The following TLE1 variants were observed in gnomAD, a reference collection of about 807,000 sequenced individuals.
TLE1 encodes TLE family member 1, transcriptional corepressor, also known as transducin-like enhancer protein 1.
In TLE1, 21 loss-of-function variants were observed where a neutral mutation model predicts 89.8. That is an observed-to-expected ratio of 0.23 (90% CI 0.17 to 0.34). The LOEUF (loss-of-function observed/expected upper bound fraction) is 0.34. Ranked by LOEUF, TLE1 falls within the 10% of genes least tolerant of loss-of-function variation. The pLI, the probability that TLE1 is intolerant of heterozygous loss-of-function variation, is 1.00. For missense variants in TLE1, 795 were observed against 1,031.2 expected (o/e 0.77, Z 3.14); for synonymous variants, 447 against 407.6 (o/e 1.10, Z -1.16).
intron 8 of TLE1, among the ~76,000 whole-genome samples, chr9:81,625,684 T>C (rs1825807911): frequency 1.3e-5 from 2 of 152,082 alleles, no homozygotes; most frequent in African/African-American, 2.4e-5. Context: ...AATGTTAAGA[T>C]TGGGACTCTG....
intron 14 of TLE1, among the ~76,000 whole-genome samples, chr9:81,595,739 A>C (rs955220639): frequency 6.6e-6 from 1 of 151,534 alleles, no homozygotes; most frequent in Admixed American, 6.6e-5. Context: ...GAATGGCGTG[A>C]ACCTGGGAGG....
chr9:81,599,146 T>C (rs1232383567), intron 14 of TLE1, among the ~76,000 whole-genome samples: 2 of 152,126 alleles, frequency 1.3e-5, no homozygotes, highest in African/African-American at 2.4e-5. Context: ...TGAAGCGCAA[T>C]ATAGTCAACC....
At chr9:81,687,756 CT>C (rs1404256162) in intron 1 of TLE1, among the ~76,000 whole-genome samples, 1 of 152,000 alleles carries the variant, frequency 6.6e-6, no homozygotes, top group African/African-American at 2.4e-5. Context: ...GTCGCCGCCC[CT>C]TCCCCCACGG....
At chr9:81,668,825 G>T (rs1831838140) in intron 4 of TLE1, among the ~76,000 whole-genome samples, 3 of 152,182 alleles carry the variant, frequency 2.0e-5, no homozygotes, top group Non-Finnish European at 4.4e-5. Flanking sequence ...GAGAGGAACT[G>T]AAGATAATGG....
intron 4 of TLE1, among the ~76,000 whole-genome samples, chr9:81,667,563 T>A: frequency 6.6e-6 from 1 of 151,980 alleles, no homozygotes; most frequent in East Asian, 1.9e-4. Flanking sequence ...CTGAGCAACT[T>A]CTTAGGGAAA....
chr9:81,687,203 AG>A, intron 2 of TLE1, 130 bp downstream of exon 2: 1 of 654,084 alleles, frequency 1.5e-6, no homozygotes, highest in Non-Finnish European at 2.6e-6. Flanking sequence ...CTTGAATGAC[AG>A]GTCTTAACTG....
At chr9:81,644,086 G>A (rs912228487) in intron 6 of TLE1, among the ~76,000 whole-genome samples, 5 of 152,186 alleles carry the variant, frequency 3.3e-5, no homozygotes, top group African/African-American at 1.2e-4. Context: ...TAAAAAAGAT[G>A]GACAGGAAAT....
chr9:81,653,404 T>C (rs754008588), intron 5 of TLE1, among the ~76,000 whole-genome samples: 1 of 152,254 alleles, frequency 6.6e-6, no homozygotes, highest in Non-Finnish European at 1.5e-5. Flanking sequence ...TTTCATAGAT[T>C]ACTCATATAA....
At chr9:81,669,281 A>AG (rs1323330500) in intron 4 of TLE1, among the ~76,000 whole-genome samples, 1 of 152,226 alleles carries the variant, frequency 6.6e-6, no homozygotes, top group Non-Finnish European at 1.5e-5. Context: ...GCTTGACCTC[A>AG]GACCAATTTT....
At chr9:81,597,273 C>G (rs1346796923) in intron 14 of TLE1, among the ~76,000 whole-genome samples, 1 of 150,574 alleles carries the variant, frequency 6.6e-6, no homozygotes, top group Admixed American at 6.6e-5. Flanking sequence ...ATCGCACCAC[C>G]ACGACTTAAA....
chr9:81,669,666 T>A (rs760293139), intron 4 of TLE1, among the ~76,000 whole-genome samples: 9 of 151,712 alleles, frequency 5.9e-5, no homozygotes, highest in African/African-American at 2.2e-4. Context: ...TTCCAAAAAC[T>A]GCGCATTGCT....
intron 4 of TLE1, among the ~76,000 whole-genome samples, chr9:81,672,784 T>C (rs1487812020): frequency 6.6e-6 from 1 of 152,152 alleles, no homozygotes; most frequent in Admixed American, 6.5e-5. Flanking sequence ...CTCTGAAATA[T>C]ACCTCCTAGT....
intron 6 of TLE1, among the ~76,000 whole-genome samples, chr9:81,650,050 T>C (rs1445913118): frequency 6.6e-6 from 1 of 152,190 alleles, no homozygotes; most frequent in Non-Finnish European, 1.5e-5. Flanking sequence ...TAAGTCTCGC[T>C]TGCATTGCGC....
At chr9:81,608,520 T>C (rs1451257176) in intron 14 of TLE1, among the ~76,000 whole-genome samples, 1 of 151,890 alleles carries the variant, frequency 6.6e-6, no homozygotes, top group Non-Finnish European at 1.5e-5. Flanking sequence ...TTTCTAAAAA[T>C]AAAAAACTCA....
chr9:81,653,222 T>C (rs954980471), intron 5 of TLE1, among the ~76,000 whole-genome samples: 3 of 152,160 alleles, frequency 2.0e-5, no homozygotes, highest in Admixed American at 1.3e-4. Flanking sequence ...GAGCAACAGG[T>C]GCCAACCAGG....
In TLE1 at chr9:81,590,893, CCA is replaced by C. The variant is rs1267767310; in HGVS notation, c.1739_1740del (p.Leu580ArgfsTer43). The C allele has an allele frequency of 6.2e-7, 1 of 1,614,240 alleles. No individual in the cohort carries two copies. Among genetic ancestry groups the C allele is most frequent in the Admixed American group, 1.7e-5 (1 of 60,026 alleles). ...CAGACCTTGGAATCGGGGCTGATGG[CCA>C]GGGCGTAGCAGGCGGGGGCCGAGGA... The part of the protein sequence containing the change: ...LTSSAPACYA[L>X]AISPDSKVCF... On this transcript the variant is annotated frameshift_variant, in exon 16 of 20. Coordinates refer to ENST00000376499, the MANE Select transcript of TLE1 (RefSeq NM_005077.5). LOFTEE classifies it high-confidence loss of function.
chr9:81,620,612 G>T, intron 8 of TLE1, 55 bp from the exon 9 acceptor site: 2 of 1,578,322 alleles, frequency 1.3e-6, no homozygotes, highest in Non-Finnish European at 1.7e-6. Context: ...TTGTACACAT[G>T]AAACCCAACC....
chr9:81,591,610 G>A (rs1397111746), intron 15 of TLE1, among the ~76,000 whole-genome samples: 1 of 152,216 alleles, frequency 6.6e-6, no homozygotes, highest in Non-Finnish European at 1.5e-5. Flanking sequence ...TGAAGGGGCT[G>A]TGGGTGGGGG....
chr9:81,598,174 G>A (rs1268822339), intron 14 of TLE1, among the ~76,000 whole-genome samples: 2 of 152,122 alleles, frequency 1.3e-5, no homozygotes, highest in African/African-American at 2.4e-5. Context: ...AAGCTCTTTA[G>A]GGCTCATGAA....
Sources: gnomAD v4.1 joint callset for allele counts (sites outside exome capture counted in the v4.1 genomes callset) on GRCh38, gnomAD v4.1.1 for gene constraint, MANE v1.5 for transcripts, NCBI Gene and HGNC (gene_info 2026-07-23, HGNC 2026-07-21) for gene names.